The following XRN1 variants were observed in gnomAD, a reference collection of about 807,000 sequenced individuals.
XRN1 encodes the protein strand-exchange protein 1 homolog.
Under a neutral mutation model 222.3 loss-of-function variants are expected in XRN1, and 67 were observed. The ratio of observed to expected loss-of-function variants is 0.30; its 90% confidence interval spans 0.25 to 0.37. The LOEUF (loss-of-function observed/expected upper bound fraction) is 0.37, where lower values mean the gene tolerates loss of function less well. XRN1 is among the 10% of genes least tolerant of loss of function. The pLI is 1.00. For missense variants in XRN1, 1,707 were observed against 2,000.2 expected (o/e 0.85, Z 2.80); for synonymous variants, 643 against 652.4 (o/e 0.99, Z 0.22).
chr3:142,417,277 C>T (rs772497159), intron 12 of XRN1, 48 bp from the exon 13 acceptor site: 18 of 1,548,578 alleles, frequency 1.2e-5, no homozygotes, highest in South Asian at 5.6e-5. Context: ...AAGACAGGCC[C>T]GTGTCTTTAG....
chr3:142,441,171 T>TC (rs1439683447), intron 1 of XRN1, among the ~76,000 whole-genome samples: 2 of 152,202 alleles, frequency 1.3e-5, no homozygotes, highest in Non-Finnish European at 2.9e-5. Context: ...GGGGAATGTA[T>TC]CCAGCCTATA....
intron 2 of XRN1, among the ~76,000 whole-genome samples, chr3:142,430,173 C>T (rs1318543109): frequency 2.6e-5 from 4 of 152,314 alleles, no homozygotes; most frequent in Admixed American, 6.5e-5. Flanking sequence ...TGAGTCAGTT[C>T]TGTAGTGCTG....
In XRN1 at chr3:142,335,501, C is replaced by T. The variant is rs769892975; in HGVS notation, c.3886G>A (p.Glu1296Lys). The change falls in exon 34 of 41, where the codon GAG becomes AAG. Residue 1296 changes from glutamate (E) to lysine (K), a missense_variant. This residue lies in a region of XRN1 where 473 missense variants were observed against 482.0 expected (regional missense o/e 0.98). Transcript: ENST00000392981. ...CACTCAGCTTTAGGACTCTTACACT[C>T]TTCTTTAACTAGAGACAAGAAAACA... ...KHDPHRKFKE[E>K]CKSPKAECWS... is the part of the protein sequence containing the mutation. 6.2e-7 allele frequency: 1 copy of T among 1,613,172 alleles called. No homozygotes were observed. The highest frequency in any genetic ancestry group is 8.5e-7 in the Non-Finnish European group (1 of 1,179,640).
At chr3:142,324,451 T>C (rs1171017329) in intron 37 of XRN1, among the ~76,000 whole-genome samples, 1 of 152,096 alleles carries the variant, frequency 6.6e-6, no homozygotes, top group Non-Finnish European at 1.5e-5. Context: ...CTGCATAGTA[T>C]TCCATGGTGT....
At chr3:142,373,892 G>A (rs2067061729) in intron 25 of XRN1, among the ~76,000 whole-genome samples, 1 of 152,182 alleles carries the variant, frequency 6.6e-6, no homozygotes, top group African/African-American at 2.4e-5. Flanking sequence ...TGAGGTAGGA[G>A]AATCACTTGA....
intron 1 of XRN1, among the ~76,000 whole-genome samples, chr3:142,441,451 G>C (rs372719215): frequency 2.0e-5 from 3 of 152,294 alleles, no homozygotes; most frequent in East Asian, 1.9e-4. Context: ...AAAAAAACAG[G>C]AATAGCTCTA....
At chr3:142,330,104 A>C (rs966270146) in intron 36 of XRN1, among the ~76,000 whole-genome samples, 2 of 152,242 alleles carry the variant, frequency 1.3e-5, no homozygotes, top group African/African-American at 4.8e-5. Context: ...TTGAGCAGCT[A>C]ATGACTACAT....
chr3:142,426,607 C>T (rs1320735595), intron 3 of XRN1, 137 bp downstream of exon 3: 4 of 756,494 alleles, frequency 5.3e-6, no homozygotes. Flanking sequence ...GTCTCATGAG[C>T]AAACATAAGT....
rs781049913 is a variant in XRN1, at chr3:142,359,851, G to C, written c.3464+11C>G. 6 of 1,571,862 alleles carry C rather than the reference G, an allele frequency of 3.8e-6. No homozygotes were observed. The Admixed American group carries it at 1.1e-4, about 28-fold the overall frequency. On this transcript the variant is annotated intron_variant, in intron 30 of 40. Transcript: ENST00000392981. ...ATTCACAAAGGGCAATTATCATTGG[G>C]AAATACAAACCTTATTGTTAACCCT...
intron 39 of XRN1, chr3:142,313,117 G>A (rs779455342): frequency 6.3e-7 from 1 of 1,597,484 alleles, no homozygotes; most frequent in Non-Finnish European, 8.5e-7. Flanking sequence ...CACAAATAGA[G>A]AAATCTTAAG....
chr3:142,346,801 C>T (rs919129162), intron 33 of XRN1, among the ~76,000 whole-genome samples: 3 of 152,082 alleles, frequency 2.0e-5, no homozygotes, highest in Admixed American at 1.3e-4. Context: ...ATTTTTGATC[C>T]TCAGTTGGTT....
chr3:142,406,322 C>T (rs1476780631), intron 15 of XRN1, among the ~76,000 whole-genome samples: 4 of 152,102 alleles, frequency 2.6e-5, no homozygotes, highest in African/African-American at 9.7e-5. Context: ...TAAAACTGGA[C>T]TTTTATCTTA....
At chr3:142,333,808 C>A (rs1433890001) in intron 34 of XRN1, among the ~76,000 whole-genome samples, 1 of 152,116 alleles carries the variant, frequency 6.6e-6, no homozygotes, top group African/African-American at 2.4e-5. Flanking sequence ...CATCTGCAAG[C>A]CAGAAAGGGA....
chr3:142,365,327 G>C lies in XRN1; in HGVS notation c.3244C>G (p.Pro1082Ala), dbSNP rs769692505. ...AAACTTACTCTGTATAGCAAATGGG[G>C]TTTCACTGTTACTCGCACCTTCTTA... ...NNKKVRVTVK[P>A]HLLYRPLEQQ... The change falls in exon 28 of 41, where the codon CCC becomes GCC. Residue 1082 changes from proline to alanine, a missense_variant. This residue lies in a region of XRN1 where 1,234 missense variants were observed against 1,518.2 expected (regional missense o/e 0.81). Transcript: ENST00000392981. 1 of 1,586,410 alleles carries C rather than the reference G, an allele frequency of 6.3e-7. No homozygotes were observed. Among genetic ancestry groups the C allele is most frequent in the Non-Finnish European group, 8.6e-7 (1 of 1,166,378 alleles).
At chr3:142,340,610 A>G (rs1206284263) in intron 33 of XRN1, among the ~76,000 whole-genome samples, 1 of 152,170 alleles carries the variant, frequency 6.6e-6, no homozygotes, top group Non-Finnish European at 1.5e-5. Context: ...AAAGAAGACT[A>G]CCTCAAAGCA....
intron 18 of XRN1, among the ~76,000 whole-genome samples, chr3:142,401,347 A>G (rs1362801248): frequency 6.6e-6 from 1 of 152,236 alleles, no homozygotes; most frequent in African/African-American, 2.4e-5. Flanking sequence ...ATATACATGA[A>G]AGCTTTCATA....
chr3:142,420,953 C>A, intron 10 of XRN1, 63 bp downstream of exon 10: 4 of 1,595,118 alleles, frequency 2.5e-6, no homozygotes, highest in Non-Finnish European at 3.4e-6. Context: ...AAATGAGAAA[C>A]AAAGAATATA....
At chr3:142,362,443 T>A (rs938863722) in intron 29 of XRN1, among the ~76,000 whole-genome samples, 1 of 152,004 alleles carries the variant, frequency 6.6e-6, no homozygotes, top group African/African-American at 2.4e-5. Context: ...TCTCTAATTT[T>A]TGTATTTTTA....
At position 142,308,959 on chromosome 3, in the gene XRN1, C is replaced by T. The variant is rs1259654063; in HGVS notation, c.*2552G>A. The T allele has an allele frequency of 2.0e-5, 3 of 152,172 alleles. No individual in the cohort carries two copies. The highest frequency in any genetic ancestry group is 4.4e-5 in the Non-Finnish European group (3 of 68,028). 9.4% of individuals were successfully genotyped at this position (152,172 alleles called of 1,614,324 possible). On this transcript the variant is annotated 3_prime_UTR_variant, in exon 41 of 41. Transcript: ENST00000392981. ...TTTTAAATTTCTTGAAGTCCAACTG[C>T]TTTTCAGATATACTCTAAATTCCAG...
Sources: gnomAD v4.1 joint callset for allele counts (sites outside exome capture counted in the v4.1 genomes callset) on GRCh38, gnomAD v4.1.1 for gene constraint, gnomAD v4.1.1 regional missense constraint, MANE v1.5 for transcripts, NCBI Gene and HGNC (gene_info 2026-07-23, HGNC 2026-07-21) for gene names.